FAT1: variants seen among roughly 807,000 people sequenced by gnomAD.
FAT1 encodes protocadherin Fat 1.
In FAT1, 171 loss-of-function variants were observed where a neutral mutation model predicts 329.8. The ratio of observed to expected loss-of-function variants is 0.52; its 90% CI spans 0.46 to 0.59. The LOEUF (loss-of-function observed/expected upper bound fraction) is 0.59. Among genes scored for constraint, FAT1 ranks in the 20% least tolerant of loss-of-function variants. The pLI, the probability that FAT1 is intolerant of heterozygous loss-of-function variation, is 0.00. For synonymous variants in FAT1, 2,233 were observed against 2,228.6 expected (o/e 1.00, Z -0.06); for missense variants, 5,672 against 5,774.4 (o/e 0.98, Z 0.57).
intron 3 of FAT1, among the ~76,000 whole-genome samples, chr4:186,643,870 T>G (rs1741226425): frequency 7.0e-6 from 1 of 143,530 alleles, no homozygotes; most frequent in Admixed American, 7.5e-5. Context: ...CCACTACATG[T>G]TATTAACCTA....
intron 2 of FAT1, among the ~76,000 whole-genome samples, chr4:186,683,631 G>A (rs1743327493): frequency 6.6e-6 from 1 of 152,030 alleles, no homozygotes; most frequent in South Asian, 2.1e-4. Context: ...TGCAGCTGCT[G>A]ACCTGCGGCC....
In FAT1 at chr4:186,707,413, C is replaced by T. The variant is rs1579485517; in HGVS notation, c.2415G>A (p.Trp805Ter). 1 of 1,613,976 alleles carries T rather than the reference C, an allele frequency of 6.2e-7. No homozygotes were observed. The highest frequency in any genetic ancestry group is 8.5e-7 in the Non-Finnish European group (1 of 1,179,890). ...YDLGIPQKAA[W>*]RLLHVVVVDA... ...CGACAACCACGACATGTAGAAGACG[C>T]CACGCAGCCTTCTGGGGTATCCCAA... The change falls in exon 2 of 27, where the codon TGG becomes TGA. Residue 805 changes from tryptophan to a stop codon, truncating the protein, a stop_gained. Transcript: ENST00000441802. LOFTEE classifies it high-confidence loss of function.
chr4:186,696,083 G>T (rs1020212006), intron 2 of FAT1, among the ~76,000 whole-genome samples: 1 of 152,166 alleles, frequency 6.6e-6, no homozygotes, highest in Non-Finnish European at 1.5e-5. Context: ...GAGCCACAGC[G>T]CCCGGCCATA....
At chr4:186,602,655 C>T (rs934321343) in intron 20 of FAT1, among the ~76,000 whole-genome samples, 2 of 152,106 alleles carry the variant, frequency 1.3e-5, no homozygotes, top group Non-Finnish European at 2.9e-5. Flanking sequence ...AATGGCACTG[C>T]GTTGTTAGCT....
chr4:186,708,841 A>G lies in FAT1; in HGVS notation c.987T>C (p.Pro329=), dbSNP rs773528179. Residue 329 remains proline, a synonymous_variant, in exon 2 of 27, where the codon CCT becomes CCC. Coordinates refer to ENST00000441802, the MANE Select transcript of FAT1 (RefSeq NM_005245.4). ...AIGGIDWDSH[P]FGYNLTLQAK... is the part of the protein sequence containing the mutation. ...CCTGTAGTGTGAGATTGTAGCCGAA[A>G]GGATGACTGTCCCAATCAATGCCAC... The G allele has an allele frequency of 5.0e-6, 8 of 1,614,012 alleles. No individual in the cohort carries two copies. In the South Asian group the frequency reaches 6.6e-5, roughly 13 times the overall value.
chr4:186,718,658 C>T (rs1040104977), intron 1 of FAT1, among the ~76,000 whole-genome samples: 11 of 152,180 alleles, frequency 7.2e-5, no homozygotes, highest in African/African-American at 2.4e-4. Flanking sequence ...CAGAGCCAGA[C>T]TCCGTCTCAA....
Position 186,620,971 on chromosome 4 carries a change from A to C in FAT1, c.5615T>G (p.Ile1872Ser). 6.2e-7 allele frequency: 1 copy of C among 1,613,694 alleles called. No individual in the cohort carries two copies. Among genetic ancestry groups the C allele is most frequent in the South Asian group, 1.1e-5 (1 of 91,086 alleles). ...AANVTVHVID[I>S]NDCPPVFAKP... ...GGCAAACACAGGGGGGCAGTCATTAATGTCAATTACATGTACTGTTACATT... is the reference window on the plus strand; with the variant it reads ...GGCAAACACAGGGGGGCAGTCATTACTGTCAATTACATGTACTGTTACATT... The change falls in exon 10 of 27, where the codon ATT (isoleucine) becomes AGT (serine). Residue 1872 changes from isoleucine to serine, a missense_variant. Ile to Ser is a moderately radical substitution (Grantham distance 142). Around this residue, in one of 2 missense-constraint regions of FAT1, gnomAD observed 3,966 missense variants for 3,915.2 expected, o/e 1.01. Coordinates refer to ENST00000441802, the MANE Select transcript of FAT1 (RefSeq NM_005245.4).
rs760094218 is a variant in FAT1, at chr4:186,709,351, A to G, written c.477T>C (p.Pro159=). ...TACTGGTCCTTATAGCTGTGTTTTC[A>G]GGTAAAGAAACGCTGTATGAGGTGG... ...FSPTSYSVSL[P]ENTAIRTSIA... is the part of the protein sequence containing the mutation. The change falls in exon 2 of 27, where the codon CCT becomes CCC. Residue 159 remains proline (P), a synonymous_variant. Coordinates refer to ENST00000441802, the MANE Select transcript of FAT1 (RefSeq NM_005245.4). The G allele has an allele frequency of 6.2e-7, 1 of 1,613,954 alleles. No individual in the cohort carries two copies. Among genetic ancestry groups the G allele is most frequent in the South Asian group, 1.1e-5 (1 of 91,084 alleles).
intron 20 of FAT1, 79 bp from the exon 21 acceptor site, chr4:186,601,505 T>C (rs1404656351): frequency 2.6e-6 from 3 of 1,144,442 alleles, no homozygotes; most frequent in Non-Finnish European, 3.7e-6. Flanking sequence ...CCTGCACCCC[T>C]TGAGACTGAT....
intron 3 of FAT1, among the ~76,000 whole-genome samples, chr4:186,647,764 G>T (rs938894299): frequency 1.3e-5 from 2 of 152,162 alleles, no homozygotes; most frequent in Non-Finnish European, 2.9e-5. Flanking sequence ...TGTAATCATA[G>T]TATTTTTGGT....
chr4:186,633,726 G>C lies in FAT1; in HGVS notation c.4281C>G (p.Leu1427=), dbSNP rs766164013. ...TGGTTCCATCTGTAGCCTCGACTGT[G>C]AGGTTGTAGTTTGACTTCTGTTCTG... The part of the protein sequence containing the change: ...LDAEQKSNYN[L]TVEATDGTTT... The change falls in exon 7 of 27, where the codon CTC becomes CTG. Residue 1427 remains leucine (L), a synonymous_variant. Transcript: ENST00000441802. The C allele has an allele frequency of 1.2e-6, 2 of 1,613,948 alleles. No homozygotes were observed. The highest frequency in any genetic ancestry group is 4.5e-5 in the East Asian group (2 of 44,874).
chr4:186,687,735 T>C (rs1313008859), intron 2 of FAT1, among the ~76,000 whole-genome samples: 4 of 152,216 alleles, frequency 2.6e-5, no homozygotes, highest in African/African-American at 9.7e-5. Flanking sequence ...TCAACTTCTA[T>C]TAGTCTGTCT....
chr4:186,701,736 T>C (rs1744325448), intron 2 of FAT1, among the ~76,000 whole-genome samples: 1 of 152,232 alleles, frequency 6.6e-6, no homozygotes, highest in Admixed American at 6.5e-5. Flanking sequence ...GATCCCAGGA[T>C]GTAAGTAAAA....
intron 3 of FAT1, among the ~76,000 whole-genome samples, chr4:186,645,577 A>G (rs1466258679): frequency 6.6e-6 from 1 of 151,502 alleles, no homozygotes; most frequent in Non-Finnish European, 1.5e-5. Context: ...TGGGGGTTCA[A>G]TAAATCTAGT....
Position 186,636,152 on chromosome 4 carries a change from G to T in FAT1, c.4056C>A (p.Ser1352=). The change falls in exon 6 of 27, where the codon TCC becomes TCA. Residue 1352 remains serine, a synonymous_variant. Coordinates refer to ENST00000441802, the MANE Select transcript of FAT1 (RefSeq NM_005245.4). ...HIEWISKPKP[S]LEPISFEESF... Reference sequence around the variant, plus strand: ...ATTCTTCAAATGAAATGGGCTCCAGGGACGGTTTGGGCTTGGAGATCCATT... The same window carrying T: ...ATTCTTCAAATGAAATGGGCTCCAGTGACGGTTTGGGCTTGGAGATCCATT... The T allele has an allele frequency of 6.2e-7, 1 of 1,613,972 alleles. No individual in the cohort carries two copies. The highest frequency in any genetic ancestry group is 8.5e-7 in the Non-Finnish European group (1 of 1,179,876).
intron 6 of FAT1, among the ~76,000 whole-genome samples, chr4:186,635,242 C>T (rs191295491): frequency 1.6e-4 from 24 of 152,192 alleles, no homozygotes; most frequent in Admixed American, 3.9e-4. Context: ...AAGTCCCCCC[C>T]AGAGAGATGA....
At chr4:186,663,258 G>T (rs1742264854) in intron 3 of FAT1, 41 bp downstream of exon 3, 1 of 1,438,756 alleles carries the variant, frequency 7.0e-7, no homozygotes, top group African/African-American at 1.4e-5. Context: ...TAACAGAAAA[G>T]CATAAGCATA....
At chr4:186,635,058 C>T (rs942359225) in intron 6 of FAT1, among the ~76,000 whole-genome samples, 5 of 152,222 alleles carry the variant, frequency 3.3e-5, no homozygotes, top group Admixed American at 2.6e-4. Context: ...GTGCTGATGA[C>T]ATCAATTTCA....
chr4:186,589,586 A>G (rs1401950358), intron 26 of FAT1, among the ~76,000 whole-genome samples: 3 of 152,246 alleles, frequency 2.0e-5, no homozygotes, highest in Admixed American at 1.3e-4. Flanking sequence ...ACTGCTCTGT[A>G]GGAAGAAGAG....
Sources: allele counts gnomAD v4.1 joint callset (sites outside exome capture counted in the v4.1 genomes callset), GRCh38; gene constraint gnomAD v4.1.1; regional missense constraint gnomAD v4.1.1; transcripts MANE v1.5; gene names NCBI Gene and HGNC (gene_info 2026-07-23, HGNC 2026-07-21).